BRINP1: variants seen among roughly 807,000 people sequenced by gnomAD.
BRINP1 encodes BMP/retinoic acid inducible neural specific 1.
BRINP1 carries 17 observed loss-of-function variants against 72.9 expected under a neutral mutation model. The observed-to-expected ratio is 0.23, with a 90% CI of 0.16 to 0.35. The LOEUF is 0.35. Ranked by LOEUF, BRINP1 falls within the 10% of genes least tolerant of loss-of-function variation. BRINP1 has a pLI of 1.00. For missense variants in BRINP1, 850 were observed against 1,001.6 expected (o/e 0.85, Z 2.04); for synonymous variants, 418 against 378.5 (o/e 1.10, Z -1.21).
In BRINP1 at chr9:119,284,159, C is replaced by T. The variant is rs187742197; in HGVS notation, c.218+28979G>A. Among the ~76,000 whole-genome samples the T allele has an allele frequency of 8.3e-3, 1,265 of 152,336 alleles. 15 individuals carry two copies. The highest frequency in any genetic ancestry group is 0.029 in the African/African-American group (1,201 of 41,578). On this transcript the variant is annotated intron_variant, in intron 2 of 7. Coordinates refer to ENST00000265922, the MANE Select transcript of BRINP1 (RefSeq NM_014618.3). ...TTTCGCTTTTTGCTCCTTTCTGCAT[C>T]GCTTTCTTTTGACTTGAGTTTTCTC...
At chr9:119,173,031 A>C (rs990064123) in intron 7 of BRINP1, among the ~76,000 whole-genome samples, 1 of 147,194 alleles carries the variant, frequency 6.8e-6, no homozygotes, top group Non-Finnish European at 1.5e-5. Context: ...TATCATACTG[A>C]ATGGGCAAAA....
At chr9:119,320,531 C>A (rs559351964) in intron 1 of BRINP1, among the ~76,000 whole-genome samples, 1 of 152,036 alleles carries the variant, frequency 6.6e-6, no homozygotes, top group African/African-American at 2.4e-5. Context: ...GTGGTGAGTG[C>A]GAAGTGCTCC....
chr9:119,330,357 T>C (rs1831287542), intron 1 of BRINP1, among the ~76,000 whole-genome samples: 2 of 152,194 alleles, frequency 1.3e-5, no homozygotes, highest in African/African-American at 4.8e-5. Context: ...CCCTCCAGCA[T>C]ACCAAACTTC....
chr9:119,313,173 G>A lies in BRINP1; in HGVS notation c.183C>T (p.His61=). The change falls in exon 2 of 8, where the codon CAC becomes CAT. Residue 61 remains histidine, a synonymous_variant. Transcript: ENST00000265922. ...SRSYLSFVER[H]RQGFTTRYKI... The stretch of plus-strand genomic sequence containing the variant: ...TATATCTGGTTGTAAATCCTTGACG[G>A]TGTCTTTCCACAAAGGATAGGTAGC... 1.2e-6 allele frequency: 2 copies of A among 1,614,086 alleles called. No homozygotes were observed. Among genetic ancestry groups the A allele is most frequent in the Non-Finnish European group, 1.7e-6 (2 of 1,180,002 alleles).
At chr9:119,257,784 T>G (rs1830459721) in intron 2 of BRINP1, among the ~76,000 whole-genome samples, 1 of 152,036 alleles carries the variant, frequency 6.6e-6, no homozygotes. Flanking sequence ...CCCCACACGA[T>G]CCTCAGCCAG....
chr9:119,249,427 C>T (rs889236070), intron 2 of BRINP1, among the ~76,000 whole-genome samples: 4 of 152,036 alleles, frequency 2.6e-5, no homozygotes, highest in African/African-American at 7.2e-5. Flanking sequence ...TCAGGAGTTA[C>T]TTTTATTAGG....
chr9:119,288,814 G>A (rs1026322102), intron 2 of BRINP1, among the ~76,000 whole-genome samples: 1 of 151,576 alleles, frequency 6.6e-6, no homozygotes, highest in African/African-American at 2.4e-5. Context: ...TTTTTTAGAT[G>A]GAGTTTCACT....
At chr9:119,228,542 G>T (rs968842341) in intron 5 of BRINP1, among the ~76,000 whole-genome samples, 9 of 151,954 alleles carry the variant, frequency 5.9e-5, no homozygotes, top group African/African-American at 2.2e-4. Context: ...GGGATGAGAG[G>T]AGGGACATTT....
At chr9:119,359,006 T>C (rs948214001) in intron 1 of BRINP1, among the ~76,000 whole-genome samples, 3 of 152,192 alleles carry the variant, frequency 2.0e-5, no homozygotes, top group Non-Finnish European at 4.4e-5. Flanking sequence ...TTTTTCTACA[T>C]GTTATTTCCA....
rs755164578 is a variant in BRINP1, at chr9:119,198,793, T to C, written c.1145+9926A>G. Among the ~76,000 whole-genome samples, 3 of 151,932 alleles carry C rather than the reference T, an allele frequency of 2.0e-5. No homozygotes were observed. In the East Asian group the frequency reaches 5.8e-4, roughly 29 times the overall value. On this transcript the variant is annotated intron_variant, in intron 7 of 7. Transcript: ENST00000265922. ...CTCAAGTGATTCTTGTGCCTCAGCC[T>C]CCCGAGTAGCTGGGATTACAGGTGT...
chr9:119,241,389 C>A (rs2118911423), intron 4 of BRINP1, among the ~76,000 whole-genome samples: 1 of 152,246 alleles, frequency 6.6e-6, no homozygotes, highest in South Asian at 2.1e-4. Context: ...GTTTTTATAT[C>A]ATCTATGGCT....
At chr9:119,322,869 C>T (rs1831204009) in intron 1 of BRINP1, among the ~76,000 whole-genome samples, 1 of 152,176 alleles carries the variant, frequency 6.6e-6, no homozygotes, top group African/African-American at 2.4e-5. Flanking sequence ...GGATGCACAT[C>T]TCTTGGGGTT....
chr9:119,261,499 C>T (rs1233369440), intron 2 of BRINP1, among the ~76,000 whole-genome samples: 3 of 152,284 alleles, frequency 2.0e-5, no homozygotes, highest in Middle Eastern at 6.8e-3. Context: ...CCTGTTTTAT[C>T]CCAGAGCTAC....
chr9:119,195,773 A>G (rs987249326), intron 7 of BRINP1, among the ~76,000 whole-genome samples: 1 of 152,190 alleles, frequency 6.6e-6, no homozygotes, highest in Admixed American at 6.5e-5. Context: ...AACTCAACTC[A>G]AAGAAGACTT....
intron 2 of BRINP1, among the ~76,000 whole-genome samples, chr9:119,267,845 G>C (rs1485537963): frequency 6.6e-6 from 1 of 152,006 alleles, no homozygotes; most frequent in African/African-American, 2.4e-5. Context: ...TGAGACTCTG[G>C]GTGCACCAAT....
At chr9:119,348,366 G>T (rs1831469738) in intron 1 of BRINP1, among the ~76,000 whole-genome samples, 2 of 152,124 alleles carry the variant, frequency 1.3e-5, no homozygotes, top group Non-Finnish European at 1.5e-5. Context: ...CCTATTGAAG[G>T]ATATCTTAGT....
intron 1 of BRINP1, among the ~76,000 whole-genome samples, chr9:119,339,456 C>A (rs1303677411): frequency 6.6e-6 from 1 of 152,342 alleles, no homozygotes; most frequent in Middle Eastern, 3.4e-3. Context: ...CAGGTCAAAA[C>A]TTTTATCTGT....
chr9:119,344,032 C>T (rs1831428811), intron 1 of BRINP1, among the ~76,000 whole-genome samples: 1 of 152,186 alleles, frequency 6.6e-6, no homozygotes, highest in Non-Finnish European at 1.5e-5. Context: ...AGAGCCCCTA[C>T]AGCATGTTGG....
chr9:119,276,836 C>CATT (rs1363016199), intron 2 of BRINP1, among the ~76,000 whole-genome samples: 3 of 152,180 alleles, frequency 2.0e-5, no homozygotes, highest in East Asian at 3.9e-4. Context: ...TTACTTCTAG[C>CATT]ATTATTATTA....
Sources: allele counts gnomAD v4.1 joint callset (sites outside exome capture counted in the v4.1 genomes callset), GRCh38; gene constraint gnomAD v4.1.1; transcripts MANE v1.5; gene names NCBI Gene and HGNC (gene_info 2026-07-23, HGNC 2026-07-21).